PAK1: variants seen among roughly 807,000 people sequenced by gnomAD.
PAK1 encodes the protein serine/threonine-protein kinase PAK 1.
In PAK1, 29 loss-of-function variants were observed where a neutral mutation model predicts 67.4. The ratio of observed to expected loss-of-function variants is 0.43; its 90% CI spans 0.32 to 0.59. PAK1 has a LOEUF of 0.59. PAK1 is among the 20% of genes least tolerant of loss of function. The pLI is 0.07. For synonymous variants in PAK1, 223 were observed against 237.4 expected, an observed-to-expected ratio of 0.94 and a Z score of 0.56; for missense variants, 337 against 670.7, an observed-to-expected ratio of 0.50 and a Z score of 5.50.
intron 1 of PAK1, among the ~76,000 whole-genome samples, chr11:77,432,765 C>T (rs1243235159): frequency 6.6e-6 from 1 of 150,716 alleles, no homozygotes; most frequent in Non-Finnish European, 1.5e-5. Flanking sequence ...AAAAGTTCAA[C>T]AAGGTTTCAG....
At chr11:77,488,517 GTTTT>G in the PAK1 span, among the ~76,000 whole-genome samples, 1 of 152,136 alleles carries the variant, frequency 6.6e-6, no homozygotes. Context: ...CAAAATAGCT[GTTTT>G]GAGGAAACTC....
chr11:77,460,769 G>C (rs1330644304), intron 1 of PAK1, among the ~76,000 whole-genome samples: 1 of 152,068 alleles, frequency 6.6e-6, no homozygotes, highest in African/African-American at 2.4e-5. Flanking sequence ...TAAAAGAAGG[G>C]GCAAAGGAAG....
At chr11:77,329,553 T>G (rs566618102) in intron 14 of PAK1, among the ~76,000 whole-genome samples, 33 of 152,320 alleles carry the variant, frequency 2.2e-4, no homozygotes, top group East Asian at 1.7e-3. Flanking sequence ...TCTCAATAGA[T>G]GCAGAAAAGG....
rs905233029 is a variant in PAK1, at chr11:77,322,837, G to A, written c.*437C>T. The A allele has an allele frequency of 2.4e-5, 11 of 451,016 alleles. No homozygotes were observed. Among genetic ancestry groups the A allele is most frequent in the Non-Finnish European group, 4.4e-5 (11 of 252,576 alleles). The allele number at this position is 451,016 out of a possible 1,614,324, so 27.9% of individuals were successfully genotyped here. On this transcript the variant is annotated 3_prime_UTR_variant, in exon 15 of 15. Transcript: ENST00000356341. ...TGTTCCAGTTTTCAAGTACAATGAG[G>A]TGTCTGGGCAGTTGAGTCACAGAAA...
intron 1 of PAK1, chr11:77,397,282 G>C (rs536295036): frequency 6.6e-6 from 1 of 152,344 alleles, no homozygotes; most frequent in South Asian, 2.1e-4. Flanking sequence ...CATTAATTAT[G>C]AATCAACTGA....
chr11:77,503,419 G>A, the PAK1 span, among the ~76,000 whole-genome samples: 10 of 152,250 alleles, frequency 6.6e-5, no homozygotes, highest in African/African-American at 1.9e-4. Flanking sequence ...GGTTGGTGGC[G>A]GTTCAAGTGC....
At chr11:77,446,903 A>AC (rs1403634646) in intron 1 of PAK1, among the ~76,000 whole-genome samples, 2 of 151,966 alleles carry the variant, frequency 1.3e-5, no homozygotes, top group East Asian at 3.9e-4. Flanking sequence ...AAAAGAAAAA[A>AC]AAAAAACAAA....
At chr11:77,333,194 CTTTTTTTTTT>C (rs886805892) in intron 13 of PAK1, among the ~76,000 whole-genome samples, 18 of 127,154 alleles carry the variant, frequency 1.4e-4, no homozygotes, top group African/African-American at 4.6e-4. Flanking sequence ...TCTTCTTCTT[CTTTTTTTTTT>C]TTTTTTTTTT....
At chr11:77,463,410 T>C (rs1033518705) in intron 1 of PAK1, among the ~76,000 whole-genome samples, 2 of 152,244 alleles carry the variant, frequency 1.3e-5, no homozygotes, top group Admixed American at 1.3e-4. Context: ...AAATATAGTA[T>C]AAAATGAAAC....
chr11:77,373,694 G>A (rs986977367), intron 5 of PAK1, among the ~76,000 whole-genome samples: 2 of 151,822 alleles, frequency 1.3e-5, no homozygotes, highest in Non-Finnish European at 2.9e-5. Context: ...TGTAAGTTAA[G>A]AGAGACAGAG....
chr11:77,337,448 G>A lies in PAK1; in HGVS notation c.1117-25C>T, dbSNP rs114580488. The stretch of plus-strand genomic sequence containing the variant: ...ACTATTGAAGTGGTGTGGGCAGGGG[G>A]AGAAAGAAAGGACATACATATAATA... On this transcript the variant is annotated intron_variant, in intron 11 of 14. Transcript: ENST00000356341. The A allele has an allele frequency of 1.7e-3, 2,112 of 1,239,414 alleles. 35 individuals carry two copies. The African/African-American group carries it at 0.029, about 17-fold the overall frequency. The allele number at this position is 1,239,414 out of a possible 1,614,324, so 76.8% of individuals were successfully genotyped here.
intron 1 of PAK1, among the ~76,000 whole-genome samples, chr11:77,446,096 T>C (rs1956585734): frequency 6.6e-6 from 1 of 152,252 alleles, no homozygotes; most frequent in Non-Finnish European, 1.5e-5. Context: ...GTCATCTTTG[T>C]ATCTCTAGGG....
At chr11:77,444,370 A>G (rs1013006856) in intron 1 of PAK1, among the ~76,000 whole-genome samples, 9 of 151,334 alleles carry the variant, frequency 5.9e-5, no homozygotes, top group Non-Finnish European at 8.8e-5. Flanking sequence ...CCAGGGTGGG[A>G]CGTGGGTATC....
At chr11:77,350,847 A>C (rs1050516883) in intron 8 of PAK1, among the ~76,000 whole-genome samples, 1 of 152,124 alleles carries the variant, frequency 6.6e-6, no homozygotes, top group Non-Finnish European at 1.5e-5. Flanking sequence ...CTGCCTGATT[A>C]TCCTGCCCCT....
chr11:77,424,007 G>A (rs1250409980), intron 1 of PAK1, among the ~76,000 whole-genome samples: 1 of 152,116 alleles, frequency 6.6e-6, no homozygotes, highest in Non-Finnish European at 1.5e-5. Flanking sequence ...CACAAAATTT[G>A]GTGAAGGTTG....
At chr11:77,415,256 ACT>A (rs1246109036) in intron 1 of PAK1, among the ~76,000 whole-genome samples, 2 of 152,336 alleles carry the variant, frequency 1.3e-5, no homozygotes, top group South Asian at 2.1e-4. Context: ...AGCAACGGGA[ACT>A]CTCTCGTTCA....
intron 7 of PAK1, 70 bp from the exon 8 acceptor site, chr11:77,353,669 CCAACCCCTGTAGCTGG>C (rs1945595166): frequency 8.3e-7 from 1 of 1,211,374 alleles, no homozygotes; most frequent in Middle Eastern, 1.9e-4. Context: ...CCACATTTCC[CCAACCCCTGTAGCTGG>C]CAAGGGTTAA....
At chr11:77,424,129 G>A (rs985771812) in intron 1 of PAK1, among the ~76,000 whole-genome samples, 1 of 152,166 alleles carries the variant, frequency 6.6e-6, no homozygotes, top group Non-Finnish European at 1.5e-5. Context: ...GCTAGAATGG[G>A]TACCACCGTC....
intron 2 of PAK1, among the ~76,000 whole-genome samples, chr11:77,392,005 A>G (rs755893756): frequency 5.2e-4 from 79 of 152,208 alleles, no homozygotes; most frequent in Non-Finnish European, 9.7e-4. Flanking sequence ...AAAAAATTCC[A>G]AATAAAGACA....
Sources: allele counts gnomAD v4.1 joint callset (sites outside exome capture counted in the v4.1 genomes callset), GRCh38; gene constraint gnomAD v4.1.1; transcripts MANE v1.5; gene names NCBI Gene and HGNC (gene_info 2026-07-23, HGNC 2026-07-21).